The following SAFB2 variants were observed in gnomAD, a reference collection of about 807,000 sequenced individuals.
SAFB2 encodes the protein scaffold attachment factor B2.
SAFB2 carries 32 observed loss-of-function variants against 100.6 expected under a neutral mutation model. That is an observed-to-expected ratio of 0.32 (90% confidence interval 0.24 to 0.43). The LOEUF (loss-of-function observed/expected upper bound fraction) is 0.43, where lower values mean the gene tolerates loss of function less well. Ranked by LOEUF, SAFB2 falls within the 20% of genes least tolerant of loss-of-function variation. SAFB2 has a pLI of 1.00. For missense variants in SAFB2, 1,185 were observed against 1,163.4 expected (o/e 1.02, Z -0.27); for synonymous variants, 500 against 439.4 (o/e 1.14, Z -1.72).
chr19:5,610,029 G>A lies in SAFB2; in HGVS notation c.1262C>T (p.Thr421Met), dbSNP rs1395075913. ...VSGLSSTTRA[T>M]DLKNLFSKYG... ...CTTGCTGAAAAGGTTCTTGAGATCC[G>A]TAGCGCGTGTTGTGGAGGACAGCCC... Residue 421 changes from threonine (T) to methionine (M), a missense_variant, in exon 9 of 21, where the codon ACG becomes ATG. Physicochemically the swap from Thr to Met is moderately conservative, Grantham distance 81. Transcript: ENST00000252542. The A allele has an allele frequency of 3.7e-6, 6 of 1,614,104 alleles. No individual in the cohort carries two copies. In the Admixed American group the frequency reaches 5.0e-5, roughly 13 times the overall value.
intron 14 of SAFB2, 101 bp from the exon 15 acceptor site, chr19:5,594,279 AT>A: frequency 7.3e-7 from 1 of 1,369,604 alleles, no homozygotes; most frequent in Non-Finnish European, 9.6e-7. Context: ...GAAAAAAAAA[AT>A]GGATCCAAAA....
At chr19:5,597,466 GA>G (rs1267741938) in intron 13 of SAFB2, among the ~76,000 whole-genome samples, 2 of 151,900 alleles carry the variant, frequency 1.3e-5, no homozygotes, top group Non-Finnish European at 2.9e-5. Flanking sequence ...AAGCAAAAAG[GA>G]AAAAAGCCAA....
chr19:5,608,738 GCAGTGCCA>G (rs1203102314), intron 9 of SAFB2, among the ~76,000 whole-genome samples: 2 of 152,182 alleles, frequency 1.3e-5, no homozygotes, highest in African/African-American at 4.8e-5. Flanking sequence ...GGAGACCAGG[GCAGTGCCA>G]ATTGCTTACC....
Position 5,587,938 on chromosome 19 carries a change from C to T in SAFB2, c.2568G>A (p.Glu856=), listed in dbSNP as rs1289415336. Reference sequence around the variant, plus strand: ...CACCCTGCCAGGCGCGTGCCTGGTGCTCCTCTAGCCGCTGGTTGTGCTCTC... The same window carrying T: ...CACCCTGCCAGGCGCGTGCCTGGTGTTCCTCTAGCCGCTGGTTGTGCTCTC... ...DWGEHNQRLE[E]HQARAWQGAM... is the part of the protein sequence containing the mutation. Residue 856 remains glutamate (E), a synonymous_variant, in exon 19 of 21, where the codon GAG becomes GAA. Transcript: ENST00000252542. This position sits in a 1 kb window ranked among gnomAD's most constrained non-coding sequence, Gnocchi z 4.9. 3.7e-6 allele frequency: 6 copies of T among 1,612,726 alleles called. No individual in the cohort carries two copies. The highest frequency in any genetic ancestry group is 2.2e-5 in the South Asian group (2 of 91,014).
intron 4 of SAFB2, 135 bp downstream of exon 4, chr19:5,615,997 G>C (rs147721139): frequency 1.8e-5 from 14 of 757,266 alleles, no homozygotes; most frequent in Non-Finnish European, 2.6e-5. Context: ...AATGGACATG[G>C]TTTAACACCA....
At chr19:5,618,874 C>G (rs1274983883) in intron 2 of SAFB2, among the ~76,000 whole-genome samples, 1 of 152,250 alleles carries the variant, frequency 6.6e-6, no homozygotes, top group Non-Finnish European at 1.5e-5. Context: ...TCCCACATGG[C>G]ATCTAAAACT....
intron 11 of SAFB2, among the ~76,000 whole-genome samples, chr19:5,602,433 T>C (rs2052678845): frequency 1.4e-5 from 2 of 143,538 alleles, no homozygotes; most frequent in Admixed American, 1.5e-4. Context: ...TGAGCCAAGA[T>C]TGCGCCACTG....
rs200942241 is a variant in SAFB2, at chr19:5,616,331, T to C, written c.344A>G (p.Asp115Gly). The change falls in exon 4 of 21, where the codon GAC (aspartate) becomes GGC (glycine). Residue 115 changes from aspartate (D) to glycine (G), a missense_variant. By Grantham distance (94) the Asp-to-Gly change is moderately conservative (BLOSUM62 -1). Coordinates refer to ENST00000252542, the MANE Select transcript of SAFB2 (RefSeq NM_014649.3). ...CAGGTTCTCCAGACTTGCTTCCATG[T>C]CCTCCTGTAAAGAGGAAGAAGAATC... Reference protein sequence around the residue: ...LEDDSRDGQEDMEASLENLQN... With the variant: ...LEDDSRDGQEGMEASLENLQN... 5.6e-6 allele frequency: 9 copies of C among 1,614,130 alleles called. No individual in the cohort carries two copies. Among genetic ancestry groups the C allele is most frequent in the Non-Finnish European group, 7.6e-6 (9 of 1,180,008 alleles).
intron 9 of SAFB2, among the ~76,000 whole-genome samples, chr19:5,606,286 T>C (rs186107084): frequency 9.2e-4 from 140 of 152,316 alleles, no homozygotes; most frequent in African/African-American, 3.2e-3. Flanking sequence ...GAGATACAAG[T>C]ATAACTAGCA....
At position 5,592,742 on chromosome 19, in the gene SAFB2, C is replaced by T; in HGVS notation, c.2348+5G>A. On this transcript the variant is annotated splice_donor_5th_base_variant and intron_variant, in intron 16 of 20. Coordinates refer to ENST00000252542, the MANE Select transcript of SAFB2 (RefSeq NM_014649.3). ...GTAGCTAAAGGAGGGGACAAGACCACTGACCTGTCGATGGCGTGGTCCTGG... is the reference window on the plus strand; with the variant it reads ...GTAGCTAAAGGAGGGGACAAGACCATTGACCTGTCGATGGCGTGGTCCTGG... The T allele has an allele frequency of 2.5e-6, 4 of 1,614,000 alleles. No individual in the cohort carries two copies. Among genetic ancestry groups the T allele is most frequent in the Non-Finnish European group, 3.4e-6 (4 of 1,179,992 alleles).
rs1350054415 is a variant in SAFB2 at position 5,598,803 on chromosome 19, G to C, written c.1772C>G (p.Ser591Cys). The C allele has an allele frequency of 6.2e-7, 1 of 1,613,990 alleles. No homozygotes were observed. The highest frequency in any genetic ancestry group is 8.5e-7 in the Non-Finnish European group (1 of 1,179,980). ...PVISVKTTSR[S>C]KERSSKSQDR... Reference sequence around the variant, plus strand: ...AGAGGCAATACTCACTCTCTCTTTGGACCTGCTTGTGGTTTTCACGCTAAT... The same window carrying C: ...AGAGGCAATACTCACTCTCTCTTTGCACCTGCTTGTGGTTTTCACGCTAAT... The change falls in exon 13 of 21, where the codon TCC (serine) becomes TGC (cysteine). Residue 591 changes from serine (S) to cysteine (C), a missense_variant. Physicochemically the swap from Ser to Cys is moderately radical, Grantham distance 112. Transcript: ENST00000252542.
intron 4 of SAFB2, chr19:5,613,760 T>C: frequency 1.0e-6 from 1 of 985,334 alleles, no homozygotes. Flanking sequence ...GCCCTGTCTG[T>C]ACTGGGTGAA....
chr19:5,588,706 C>G (rs1599219945), intron 18 of SAFB2, among the ~76,000 whole-genome samples: 1 of 151,996 alleles, frequency 6.6e-6, no homozygotes, highest in Admixed American at 6.6e-5. Context: ...CCTGTGGCTA[C>G]CAAGGGCAGG....
chr19:5,613,829 A>G, intron 4 of SAFB2: 2 of 724,276 alleles, frequency 2.8e-6, no homozygotes, highest in Middle Eastern at 7.0e-4. Flanking sequence ...ATACCCCTCC[A>G]ATCACAGGAT....
At chr19:5,615,212 G>A (rs1312857096) in intron 4 of SAFB2, among the ~76,000 whole-genome samples, 1 of 152,190 alleles carries the variant, frequency 6.6e-6, no homozygotes, top group Non-Finnish European at 1.5e-5. Flanking sequence ...AAAATCAGCT[G>A]GGCGTGGTGG....
rs199574320 is a variant in SAFB2, at chr19:5,587,716, C to T, written c.2690G>A (p.Arg897His). Residue 897 changes from arginine (R) to histidine (H), a missense_variant, in exon 20 of 21, where the codon CGC (arginine) becomes CAC (histidine). This residue lies in a region of SAFB2 where 740 missense variants were observed against 687.1 expected (regional missense o/e 1.08). Transcript: ENST00000252542. This position sits in a 1 kb window ranked among gnomAD's most constrained non-coding sequence, Gnocchi z 4.9. ...GPSGPGHMAS[R>H]GGVAGRGGFA... Reference sequence around the variant, plus strand: ...CACACCTTACCCCGCCACTCCACCGCGGCTTGCCATGTGCCCCGGCCCCGA... The same window carrying T: ...CACACCTTACCCCGCCACTCCACCGTGGCTTGCCATGTGCCCCGGCCCCGA... 29 of 1,551,850 alleles carry T rather than the reference C, an allele frequency of 1.9e-5. No individual in the cohort carries two copies. The highest frequency in any genetic ancestry group is 1.2e-4 in the Admixed American group (6 of 51,034).
chr19:5,622,426 C>T, intron 1 of SAFB2, 104 bp downstream of exon 1: 2 of 1,234,052 alleles, frequency 1.6e-6, no homozygotes, highest in East Asian at 2.9e-5. Context: ...GGCCAAGACG[C>T]GGGGCGAACC....
intron 1 of SAFB2, among the ~76,000 whole-genome samples, chr19:5,622,250 C>T (rs1189174809): frequency 6.6e-6 from 1 of 152,224 alleles, no homozygotes; most frequent in Admixed American, 6.5e-5. Context: ...ATCGGGAGCC[C>T]CAGGAGGGGT....
intron 4 of SAFB2, 95 bp downstream of exon 4, chr19:5,616,037 G>A (rs1055097120): frequency 9.0e-7 from 1 of 1,107,554 alleles, no homozygotes; most frequent in Non-Finnish European, 1.3e-6. Context: ...TGTGTTCATG[G>A]CGGTTTAGCT....
Sources: allele counts gnomAD v4.1 joint callset (sites outside exome capture counted in the v4.1 genomes callset), GRCh38; gene constraint gnomAD v4.1.1; regional missense constraint gnomAD v4.1.1; non-coding constraint Gnocchi (gnomAD v3.1); transcripts MANE v1.5; gene names NCBI Gene and HGNC (gene_info 2026-07-23, HGNC 2026-07-21).